Variants in MTHFD1 observed in about 807,000 individuals in gnomAD.
The protein encoded by MTHFD1 is C-1-tetrahydrofolate synthase, cytoplasmic.
A neutral mutation model predicts 110.3 loss-of-function variants in MTHFD1; 44 were observed. The observed-to-expected ratio is 0.40, with a 90% CI of 0.31 to 0.51. The LOEUF (loss-of-function observed/expected upper bound fraction) is 0.51, where lower values mean the gene tolerates loss of function less well. Ranked by LOEUF, MTHFD1 falls within the 20% of genes least tolerant of loss-of-function variation. The probability of loss-of-function intolerance (pLI) is 0.60; values close to 1 mark genes in which losing one functional copy is unlikely to be tolerated. For missense variants in MTHFD1, 909 were observed against 1,173.1 expected, an observed-to-expected ratio of 0.77 and a Z score of 3.29; for synonymous variants, 402 against 428.8, an observed-to-expected ratio of 0.94 and a Z score of 0.77.
chr14:64,415,601 T>A, intron 5 of MTHFD1, 38 bp from the exon 6 acceptor site: 4 of 1,612,698 alleles, frequency 2.5e-6, no homozygotes, highest in Non-Finnish European at 3.4e-6. Context: ...GACATCTAAT[T>A]GCCTTTATTT....
intron 27 of MTHFD1, chr14:64,458,518 C>T (rs997938759): frequency 2.2e-5 from 13 of 578,454 alleles, no homozygotes; most frequent in Non-Finnish European, 4.0e-5. Context: ...TTGGAAGAAG[C>T]GCAGCATGGC....
intron 1 of MTHFD1, among the ~76,000 whole-genome samples, chr14:64,399,515 C>CG (rs1357072676): frequency 6.6e-6 from 1 of 151,780 alleles, no homozygotes; most frequent in Non-Finnish European, 1.5e-5. Context: ...AAAAATTAGC[C>CG]GGGCGTGGTG....
intron 4 of MTHFD1, among the ~76,000 whole-genome samples, chr14:64,413,198 C>A (rs954538075): frequency 4.0e-5 from 6 of 151,550 alleles, no homozygotes; most frequent in Non-Finnish European, 5.9e-5. Context: ...CTAAAAAATA[C>A]AAAATTTGCC....
rs559159742 is a variant in MTHFD1 at position 64,423,522 on chromosome 14, C to T, written c.728-1282C>T. 1.3e-4 allele frequency among the ~76,000 whole-genome samples: 20 copies of T among 151,396 alleles called. No individual in the cohort carries two copies. The East Asian group carries it at 3.9e-3, about 29-fold the overall frequency. ...TGAGTCTCCTGCCTCAGCCTCTGAG[C>T]AGCTGGGATTACAGGTGCCCGCTAC... is the stretch of plus-strand genomic sequence containing the variant. On this transcript the variant is annotated intron_variant, in intron 8 of 27. Transcript: ENST00000652337.
At chr14:64,415,553 AT>A (rs2078019185) in intron 5 of MTHFD1, 59 bp downstream of exon 5, 1 of 1,613,330 alleles carries the variant, frequency 6.2e-7, no homozygotes, top group Non-Finnish European at 8.5e-7. Context: ...ATATGTTTCT[AT>A]TTGGGGAATA....
intron 1 of MTHFD1, among the ~76,000 whole-genome samples, chr14:64,396,170 T>A (rs907795994): frequency 1.3e-5 from 2 of 152,190 alleles, no homozygotes; most frequent in African/African-American, 4.8e-5. Flanking sequence ...ATAATAGTAC[T>A]ATTGTCAGTT....
chr14:64,420,070 G>A (rs1338250079), intron 8 of MTHFD1, 145 bp downstream of exon 8: 1 of 723,390 alleles, frequency 1.4e-6, no homozygotes, highest in African/African-American at 1.7e-5. Flanking sequence ...GGTGCACAGA[G>A]TTAGTAGATA....
intron 13 of MTHFD1, 39 bp downstream of exon 13, chr14:64,430,269 T>C (rs2078147540): frequency 6.3e-7 from 1 of 1,588,840 alleles, no homozygotes; most frequent in Admixed American, 1.7e-5. Context: ...AGATCCCCCT[T>C]TTTTTGTCGG....
At chr14:64,438,443 C>T (rs140405444) in intron 16 of MTHFD1, among the ~76,000 whole-genome samples, 1,556 of 152,280 alleles carry the variant, frequency 0.01, 31 homozygotes, top group Non-Finnish European at 0.011. Context: ...AAATATATTT[C>T]CTATTACACT....
At chr14:64,426,716 A>C (rs939455921) in intron 11 of MTHFD1, among the ~76,000 whole-genome samples, 6 of 151,908 alleles carry the variant, frequency 3.9e-5, no homozygotes, top group African/African-American at 7.3e-5. Flanking sequence ...TGATCCACCC[A>C]CCTCAGCCTC....
At position 64,421,958 on chromosome 14, in the gene MTHFD1, A is replaced by G. The variant is rs114942973; in HGVS notation, c.727+2033A>G. On this transcript the variant is annotated intron_variant, in intron 8 of 27. Transcript: ENST00000652337. The stretch of plus-strand genomic sequence containing the variant: ...CTTTTTAAAACCTCGCATCTTCTGT[A>G]TCATATTTCTGCTTTTGGCATTTTT... Among the ~76,000 whole-genome samples the G allele has an allele frequency of 4.7e-3, 713 of 152,146 alleles. 7 individuals carry two copies. The highest frequency in any genetic ancestry group is 0.016 in the African/African-American group (674 of 41,528).
rs779352438 is a variant in MTHFD1, at chr14:64,454,734, T to G, written c.2577T>G (p.Asn859Lys). ...CCTTCTTTCCCCAGGGCTTTGGGAATCTCCCCATCTGCATGGCTAAAACAC... is the reference window on the plus strand; with the variant it reads ...CCTTCTTTCCCCAGGGCTTTGGGAAGCTCCCCATCTGCATGGCTAAAACAC... ...AEVYTKQGFG[N>K]LPICMAKTHL... The change falls in exon 26 of 28, where the codon AAT (asparagine) becomes AAG (lysine). Residue 859 changes from asparagine (N) to lysine (K), a missense_variant. Asn to Lys is a moderately conservative substitution (Grantham distance 94). This residue lies in a region of MTHFD1 where 482 missense variants were observed against 646.0 expected (regional missense o/e 0.75). Transcript: ENST00000652337. 3.1e-6 allele frequency: 5 copies of G among 1,613,678 alleles called. No homozygotes were observed. The highest frequency in any genetic ancestry group is 1.6e-4 in the Middle Eastern group (1 of 6,084).
chr14:64,391,457 G>A (rs186754738), intron 1 of MTHFD1, among the ~76,000 whole-genome samples: 14 of 152,284 alleles, frequency 9.2e-5, no homozygotes, highest in Non-Finnish European at 1.5e-4. Context: ...GAGCCACTGC[G>A]CCCCCGCTGG....
Position 64,412,467 on chromosome 14 carries a change from T to C in MTHFD1, c.187-5T>C, listed in dbSNP as rs2077992198. The C allele has an allele frequency of 1.2e-6, 2 of 1,611,048 alleles. No individual in the cohort carries two copies. Among genetic ancestry groups the C allele is most frequent in the African/African-American group, 1.3e-5 (1 of 74,836 alleles). The stretch of plus-strand genomic sequence containing the variant: ...ATTTACCTGCTTTTAATGTCTGTTT[T>C]GCAGATTGGGATCAAAGCCACTCAC... On this transcript the variant is annotated splice_region_variant and splice_polypyrimidine_tract_variant and intron_variant, in intron 3 of 27. Transcript: ENST00000652337.
At position 64,430,212 on chromosome 14, in the gene MTHFD1, G is replaced by A; in HGVS notation, c.1293G>A (p.Gln431=). 6.2e-7 allele frequency: 1 copy of A among 1,613,670 alleles called. No individual in the cohort carries two copies. The highest frequency in any genetic ancestry group is 2.2e-5 in the East Asian group (1 of 44,886). ...GCGCTGCAGGAGGCGGCTACTCCCA[G>A]GTCATTCCTATGGAAGAGGTAAAGT... ...KGGAAGGGYS[Q]VIPMEEFNLH... Residue 431 remains glutamine (Q), a synonymous_variant, in exon 13 of 28, where the codon CAG becomes CAA. Coordinates refer to ENST00000652337, the MANE Select transcript of MTHFD1 (RefSeq NM_005956.4).
chr14:64,443,567 T>C (rs1483633504), intron 21 of MTHFD1, among the ~76,000 whole-genome samples: 3 of 152,162 alleles, frequency 2.0e-5, no homozygotes, highest in Non-Finnish European at 2.9e-5. Context: ...CTTCAAAGGA[T>C]TGGGTCCCCG....
chr14:64,434,922 C>G (rs567053465), intron 15 of MTHFD1, among the ~76,000 whole-genome samples: 2 of 144,852 alleles, frequency 1.4e-5, no homozygotes, highest in South Asian at 4.4e-4. Context: ...ACTCTCTAAG[C>G]AGACTACGTG....
intron 22 of MTHFD1, among the ~76,000 whole-genome samples, chr14:64,446,275 G>A (rs1186164498): frequency 3.3e-5 from 5 of 152,096 alleles, no homozygotes; most frequent in Non-Finnish European, 7.4e-5. Flanking sequence ...TCCTAAAATG[G>A]AATAATTAAG....
intron 16 of MTHFD1, among the ~76,000 whole-genome samples, chr14:64,438,296 G>A (rs1166833776): frequency 2.0e-5 from 3 of 152,160 alleles, no homozygotes; most frequent in Non-Finnish European, 4.4e-5. Context: ...CTGTCTAGGA[G>A]ACCTACCATA....
Sources: allele counts gnomAD v4.1 joint callset (sites outside exome capture counted in the v4.1 genomes callset), GRCh38; gene constraint gnomAD v4.1.1; regional missense constraint gnomAD v4.1.1; transcripts MANE v1.5; gene names NCBI Gene and HGNC (gene_info 2026-07-23, HGNC 2026-07-21).